Variants in STAG1 observed in about 807,000 individuals in gnomAD.
STAG1 encodes the protein STAG1 cohesin complex component.
Under a neutral mutation model 170.9 loss-of-function variants are expected in STAG1, and 26 were observed. The observed-to-expected ratio is 0.15, with a 90% CI of 0.11 to 0.21. The LOEUF (loss-of-function observed/expected upper bound fraction) is 0.21. Among genes scored for constraint, STAG1 ranks in the 10% least tolerant of loss-of-function variants. The pLI, the probability that STAG1 is intolerant of heterozygous loss-of-function variation, is 1.00. For synonymous variants in STAG1, 514 were observed against 497.7 expected (o/e 1.03, Z -0.44); for missense variants, 964 against 1,509.5 (o/e 0.64, Z 5.99).
At chr3:136,402,590 GCAGGCCGAGGCGGGT>G (rs767941053) in intron 21 of STAG1, among the ~76,000 whole-genome samples, 23 of 152,038 alleles carry the variant, frequency 1.5e-4, no homozygotes, top group Non-Finnish European at 2.8e-4. Flanking sequence ...CAGCATTTTG[GCAGGCCGAGGCGGGT>G]GGATCACCTG....
rs529225096 is a variant in STAG1, at chr3:136,585,547, A to T, written c.298-16686T>A. Among the ~76,000 whole-genome samples the T allele has an allele frequency of 1.8e-4, 28 of 152,186 alleles. No individual in the cohort carries two copies. The South Asian group carries it at 5.2e-3, about 28-fold the overall frequency. ...AGAATTACTTGAATGCAGTGAGCTG[A>T]GATGGCACCACTGCTCTCCAGCCTG... is the stretch of plus-strand genomic sequence containing the variant. On this transcript the variant is annotated intron_variant, in intron 4 of 33. Transcript: ENST00000383202.
rs1294218708 is a variant in STAG1, at chr3:136,515,237, C to T, written c.676+5976G>A. Among the ~76,000 whole-genome samples the T allele has an allele frequency of 3.3e-5, 5 of 152,056 alleles. No homozygotes were observed. The East Asian group carries it at 7.8e-4, about 24-fold the overall frequency. Reference sequence around the variant, plus strand: ...AAAATTAGCTGGGTGTGGTAGTGCACGCCTGCAGTCCCAGCTACTCGGGAG... The same window carrying T: ...AAAATTAGCTGGGTGTGGTAGTGCATGCCTGCAGTCCCAGCTACTCGGGAG... On this transcript the variant is annotated intron_variant, in intron 7 of 33. Transcript: ENST00000383202.
In STAG1 at chr3:136,396,724, CACCATAT is replaced by C. The variant is rs374426203; in HGVS notation, c.2277+2018_2277+2024del. On this transcript the variant is annotated intron_variant, in intron 22 of 33. Coordinates refer to ENST00000383202, the MANE Select transcript of STAG1 (RefSeq NM_005862.3). ...TGTATTTTTAGTAGAGACAGGGTTT[CACCATAT>C]TGGCCAGGCTGGTCTCGAACTCTTG... 3.4e-4 allele frequency among the ~76,000 whole-genome samples: 50 copies of C among 145,782 alleles called. No homozygotes were observed. In the East Asian group the frequency reaches 0.01, roughly 30 times the overall value.
intron 29 of STAG1, among the ~76,000 whole-genome samples, chr3:136,345,445 T>C (rs1267930235): frequency 6.8e-6 from 1 of 147,726 alleles, no homozygotes; most frequent in South Asian, 2.2e-4. Flanking sequence ...TGATAAAATA[T>C]TACCTAGTTG....
intron 2 of STAG1, among the ~76,000 whole-genome samples, chr3:136,629,216 C>T (rs1000313759): frequency 1.4e-4 from 22 of 152,062 alleles, no homozygotes; most frequent in Admixed American, 9.2e-4. Context: ...TAAAGGCCTA[C>T]CTAATACCCA....
chr3:136,591,577 T>G (rs1938185039), intron 4 of STAG1: 1 of 430,320 alleles, frequency 2.3e-6, no homozygotes, highest in Admixed American at 2.6e-5. Context: ...AAAAATTATC[T>G]GTTAAGTGAG....
In STAG1 at chr3:136,422,984, A is replaced by C; in HGVS notation, c.1711T>G (p.Phe571Val). 1 of 1,608,436 alleles carries C rather than the reference A, an allele frequency of 6.2e-7. No homozygotes were observed. The highest frequency in any genetic ancestry group is 1.3e-5 in the African/African-American group (1 of 74,956). The change falls in exon 17 of 34, where the codon TTT (phenylalanine) becomes GTT (valine). Residue 571 changes from phenylalanine to valine, a missense_variant. Phe to Val is a conservative substitution (Grantham distance 50). This residue lies in a region of STAG1 where 232 missense variants were observed against 313.0 expected (regional missense o/e 0.74). Coordinates refer to ENST00000383202, the MANE Select transcript of STAG1 (RefSeq NM_005862.3). ...IDDRNKLTEH[F>V]IITLPMLLSK... ...AGTAACATAGGAAGTGTAATAATAAAATGTTCAGTCAATTTGTTTCTATCA... is the reference window on the plus strand; with the variant it reads ...AGTAACATAGGAAGTGTAATAATAACATGTTCAGTCAATTTGTTTCTATCA...
intron 32 of STAG1, 70 bp from the exon 33 acceptor site, chr3:136,338,520 AAT>A (rs1330904045): frequency 3.5e-6 from 4 of 1,136,654 alleles, no homozygotes; most frequent in Non-Finnish European, 5.3e-6. Flanking sequence ...ATAATCAGCT[AAT>A]ATTTCTGACA....
intron 16 of STAG1, among the ~76,000 whole-genome samples, chr3:136,423,608 T>G (rs2088023468): frequency 6.6e-6 from 1 of 152,260 alleles, no homozygotes; most frequent in Non-Finnish European, 1.5e-5. Flanking sequence ...CACTTTAGCC[T>G]GTATCCAACA....
intron 1 of STAG1, among the ~76,000 whole-genome samples, chr3:136,672,328 A>G (rs1942002834): frequency 6.6e-6 from 1 of 152,236 alleles, no homozygotes; most frequent in Non-Finnish European, 1.5e-5. Context: ...TCAACACAAA[A>G]CCTTAAATTG....
At position 136,340,599 on chromosome 3, in the gene STAG1, A is replaced by T; in HGVS notation, c.3564T>A (p.Gly1188=). The T allele has an allele frequency of 6.2e-7, 1 of 1,607,770 alleles. No homozygotes were observed. Among genetic ancestry groups the T allele is most frequent in the South Asian group, 1.1e-5 (1 of 90,914 alleles). ...VRTGVRHAVR[G]LMEEDAEPIF... ...TGGGCTCAGCATCTTCCTCCATTAGACCCCGACTGGTAAGAAAAAGGTATT... is the reference window on the plus strand; with the variant it reads ...TGGGCTCAGCATCTTCCTCCATTAGTCCCCGACTGGTAAGAAAAAGGTATT... The change falls in exon 32 of 34, where the codon GGT becomes GGA. Residue 1188 remains glycine (G), a synonymous_variant. Transcript: ENST00000383202.
intron 1 of STAG1, among the ~76,000 whole-genome samples, chr3:136,656,076 T>A (rs1402517114): frequency 6.6e-6 from 1 of 152,142 alleles, no homozygotes; most frequent in Non-Finnish European, 1.5e-5. Context: ...TGGAGTATTA[T>A]TCAGCCTTAA....
chr3:136,470,325 GGATAT>G (rs1256106324), intron 12 of STAG1, among the ~76,000 whole-genome samples: 1 of 152,194 alleles, frequency 6.6e-6, no homozygotes, highest in African/African-American at 2.4e-5. Context: ...AGTGGGCAAA[GGATAT>G]GAACAGACAC....
At position 136,658,197 on chromosome 3, in the gene STAG1, C is replaced by CAA. The variant is rs78966136; in HGVS notation, c.-83-27218_-83-27217dup. On this transcript the variant is annotated intron_variant, in intron 1 of 33. Coordinates refer to ENST00000383202, the MANE Select transcript of STAG1 (RefSeq NM_005862.3). ...AGAGCCAGGTCCTGTATCTTCCACC[C>CAA]AAAAAAAAAAAAAAGCATTTCCAAG... is the stretch of plus-strand genomic sequence containing the variant. 1.0e-4 allele frequency among the ~76,000 whole-genome samples: 12 copies of CAA among 115,946 alleles called. No individual in the cohort carries two copies. In the East Asian group the frequency reaches 1.9e-3, roughly 19 times the overall value. 76.1% of individuals were successfully genotyped at this position (115,946 alleles called of 152,430 possible).
At chr3:136,691,328 G>C (rs942806116) in intron 1 of STAG1, among the ~76,000 whole-genome samples, 1 of 151,884 alleles carries the variant, frequency 6.6e-6, no homozygotes, top group African/African-American at 2.4e-5. Context: ...CCAGCTACTC[G>C]GGAGGCTGCG....
chr3:136,528,088 G>A (rs1935155748), intron 6 of STAG1, among the ~76,000 whole-genome samples: 1 of 152,190 alleles, frequency 6.6e-6, no homozygotes, highest in African/African-American at 2.4e-5. Flanking sequence ...TCCGTGCTGG[G>A]AGAACCACTA....
intron 23 of STAG1, among the ~76,000 whole-genome samples, chr3:136,375,297 C>T (rs1937532877): frequency 6.6e-6 from 1 of 152,106 alleles, no homozygotes; most frequent in Non-Finnish European, 1.5e-5. Context: ...CAAATTTGCC[C>T]TATTTAATGG....
At chr3:136,347,125 T>C (rs1009596192) in intron 29 of STAG1, among the ~76,000 whole-genome samples, 1 of 148,224 alleles carries the variant, frequency 6.7e-6, no homozygotes, top group Admixed American at 6.7e-5. Flanking sequence ...CCAGGTGCAG[T>C]GGCTCATGTC....
rs920159099 is a variant in STAG1, at chr3:136,376,947, T to G, written c.2370+713A>C. ...CTGGGATTACAGGCGCCTGCCACCA[T>G]GCCCGGCTAATTTTTTTTTGTATTT... On this transcript the variant is annotated intron_variant, in intron 23 of 33. Coordinates refer to ENST00000383202, the MANE Select transcript of STAG1 (RefSeq NM_005862.3). Among the ~76,000 whole-genome samples, 5 of 151,284 alleles carry G rather than the reference T, an allele frequency of 3.3e-5. No homozygotes were observed. The East Asian group carries it at 6.0e-4, about 18-fold the overall frequency.
Sources: allele counts gnomAD v4.1 joint callset (sites outside exome capture counted in the v4.1 genomes callset), GRCh38; gene constraint gnomAD v4.1.1; regional missense constraint gnomAD v4.1.1; transcripts MANE v1.5; gene names NCBI Gene and HGNC (gene_info 2026-07-23, HGNC 2026-07-21).